CBFA2T3: variants seen among roughly 807,000 people sequenced by gnomAD.
CBFA2T3 encodes the protein transcriptional corepressor CBFA2T3.
Under a neutral mutation model 58.6 loss-of-function variants are expected in CBFA2T3, and 31 were observed. That is an observed-to-expected ratio of 0.53 (90% CI 0.40 to 0.71). The LOEUF is 0.71. CBFA2T3 is among the 30% of genes least tolerant of loss of function. The pLI is 0.00. For missense variants in CBFA2T3, 1,076 were observed against 963.1 expected, an observed-to-expected ratio of 1.12 and a Z score of -1.55; for synonymous variants, 531 against 421.9, an observed-to-expected ratio of 1.26 and a Z score of -3.17.
chr16:88,887,994 G>A lies in CBFA2T3; in HGVS notation c.712-1852C>T, dbSNP rs1431237030. ...CCGTGGGCTCTGCCATAGAGGGGCT[G>A]TGGCCTTGGGCTGGTCATTTAACCT... On this transcript the variant is annotated intron_variant, in intron 5 of 11. Coordinates refer to ENST00000268679, the MANE Select transcript of CBFA2T3 (RefSeq NM_005187.6). 3.9e-5 allele frequency among the ~76,000 whole-genome samples: 6 copies of A among 152,316 alleles called. No individual in the cohort carries two copies. The East Asian group carries it at 1.2e-3, about 29-fold the overall frequency.
At chr16:88,916,324 G>C (rs1012263803) in intron 1 of CBFA2T3, among the ~76,000 whole-genome samples, 2 of 149,854 alleles carry the variant, frequency 1.3e-5, no homozygotes, top group South Asian at 4.2e-4. Context: ...GTATTCATGC[G>C]TGTATTCATG....
At chr16:88,905,452 C>T (rs1970272417) in intron 1 of CBFA2T3, among the ~76,000 whole-genome samples, 1 of 151,978 alleles carries the variant, frequency 6.6e-6, no homozygotes, top group African/African-American at 2.4e-5. Flanking sequence ...GATGTCACCC[C>T]ACACTGGGCG....
chr16:88,891,860 CG>C, intron 5 of CBFA2T3, 21 bp downstream of exon 5: 1 of 1,562,480 alleles, frequency 6.4e-7, no homozygotes, highest in African/African-American at 1.4e-5. Context: ...TCCCGCAGCA[CG>C]GGGGACGGGT....
At position 88,958,586 on chromosome 16, in the gene CBFA2T3, A is replaced by G. The variant is rs896367695; in HGVS notation, c.151+18071T>C. ...GAGAGGTGTCCTTCCTATTTCTCAG[A>G]TGGGGAGACTGAGGCCTGGGTGGGG... On this transcript the variant is annotated intron_variant, in intron 1 of 11. Transcript: ENST00000268679. This position sits in a 1 kb window ranked among gnomAD's most constrained non-coding sequence, Gnocchi z 4.0. Among the ~76,000 whole-genome samples, 14 of 152,124 alleles carry G rather than the reference A, an allele frequency of 9.2e-5. No homozygotes were observed. Among genetic ancestry groups the G allele is most frequent in the African/African-American group, 2.7e-4 (11 of 41,500 alleles).
intron 1 of CBFA2T3, among the ~76,000 whole-genome samples, chr16:88,934,203 C>A (rs12932149): frequency 7.6e-6 from 1 of 131,284 alleles, no homozygotes; most frequent in African/African-American, 3.8e-5. Context: ...CCTCGGCACA[C>A]GGAGGCACCG....
intron 1 of CBFA2T3, among the ~76,000 whole-genome samples, chr16:88,928,097 C>T (rs1479043800): frequency 1.3e-5 from 2 of 152,220 alleles, no homozygotes; most frequent in African/African-American, 4.8e-5. Flanking sequence ...TGGCCGAGAC[C>T]CTGGCCACCA....
At position 88,916,969 on chromosome 16, in the gene CBFA2T3, G is replaced by A. The variant is rs74035896; in HGVS notation, c.152-15313C>T. On this transcript the variant is annotated intron_variant, in intron 1 of 11. Coordinates refer to ENST00000268679, the MANE Select transcript of CBFA2T3 (RefSeq NM_005187.6). ...CTTTTAGAAAAAGAGGGCTGCTTAG[G>A]AGGCTGAGGCAGGAGATTCGCTTGA... Among the ~76,000 whole-genome samples the A allele has an allele frequency of 2.2e-3, 341 of 151,918 alleles. 4 individuals are homozygous for A. The highest frequency in any genetic ancestry group is 8.1e-3 in the African/African-American group (333 of 41,360).
At chr16:88,935,181 T>G (rs913530234) in intron 1 of CBFA2T3, among the ~76,000 whole-genome samples, 1 of 152,166 alleles carries the variant, frequency 6.6e-6, no homozygotes, top group African/African-American at 2.4e-5. Context: ...GACCCAACGC[T>G]GCCCCCGGTC....
chr16:88,915,950 G>C (rs1482434664), intron 1 of CBFA2T3, among the ~76,000 whole-genome samples: 28 of 152,098 alleles, frequency 1.8e-4, no homozygotes, highest in Non-Finnish European at 2.9e-5. Flanking sequence ...GTGCATGCAT[G>C]AGTGTACGTG....
chr16:88,886,542 C>G (rs1321199649), intron 5 of CBFA2T3: 6 of 167,526 alleles, frequency 3.6e-5, no homozygotes, highest in African/African-American at 1.4e-4. Flanking sequence ...CCAGCAGGCA[C>G]CACATGACCC....
At chr16:88,907,055 C>T (rs1037047382) in intron 1 of CBFA2T3, among the ~76,000 whole-genome samples, 2 of 152,062 alleles carry the variant, frequency 1.3e-5, no homozygotes, top group Non-Finnish European at 2.9e-5. Flanking sequence ...TTTCAAACCC[C>T]AAGGGGTTTT....
Position 88,882,658 on chromosome 16 carries a change from CTG to C in CBFA2T3, c.1203+16_1203+17del, listed in dbSNP as rs1491022385. The C allele has an allele frequency of 3.4e-5, 52 of 1,530,046 alleles. No homozygotes were observed. Among genetic ancestry groups the C allele is most frequent in the Non-Finnish European group, 4.5e-5 (50 of 1,122,324 alleles). 94.8% of individuals were successfully genotyped at this position (1,530,046 alleles called of 1,614,324 possible). A position where few individuals can be genotyped will look rare whatever the true frequency, so the allele number is the denominator to read the frequency against. ...CCTGGGCATGGCTGTGTGGGCGTGG[CTG>C]TGTGTGGACACTCACGTTGTTGAGG... On this transcript the variant is annotated intron_variant, in intron 8 of 11. Coordinates refer to ENST00000268679, the MANE Select transcript of CBFA2T3 (RefSeq NM_005187.6).
Position 88,953,695 on chromosome 16 carries a change from G to C in CBFA2T3, c.151+22962C>G, listed in dbSNP as rs111256317. On this transcript the variant is annotated intron_variant, in intron 1 of 11. Transcript: ENST00000268679. This position sits in a 1 kb window ranked among gnomAD's most constrained non-coding sequence, Gnocchi z 4.9. Reference sequence around the variant, plus strand: ...TGCCAAAGCGCCTTTTGCTGTATTCGGCACCCTGAGACCCTTATGTCTGCC... The same window carrying C: ...TGCCAAAGCGCCTTTTGCTGTATTCCGCACCCTGAGACCCTTATGTCTGCC... Among the ~76,000 whole-genome samples, 845 of 152,212 alleles carry C rather than the reference G, an allele frequency of 5.6e-3. 9 individuals are homozygous for C. Among genetic ancestry groups the C allele is most frequent in the African/African-American group, 0.017 (699 of 41,528 alleles).
At chr16:88,892,168 G>C (rs986090987) in intron 4 of CBFA2T3, 76 bp downstream of exon 4, 28 of 1,533,154 alleles carry the variant, frequency 1.8e-5, no homozygotes, top group Non-Finnish European at 2.4e-5. Context: ...CATGTAAGGA[G>C]TGGCCGTGGC....
At chr16:88,891,215 C>T (rs1190647218) in intron 5 of CBFA2T3, among the ~76,000 whole-genome samples, 2 of 152,020 alleles carry the variant, frequency 1.3e-5, no homozygotes, top group Admixed American at 6.5e-5. Context: ...TATTCTGTTC[C>T]AGTCACACTG....
intron 4 of CBFA2T3, 89 bp downstream of exon 4, chr16:88,892,155 G>A (rs1322199517): frequency 8.1e-6 from 12 of 1,487,382 alleles, no homozygotes; most frequent in Non-Finnish European, 1.1e-5. Context: ...TCAGCGTGGA[G>A]CCCATGTAAG....
Position 88,885,215 on chromosome 16 carries a change from T to C in CBFA2T3, c.948A>G (p.Lys316=). 7 of 1,593,674 alleles carry C rather than the reference T, an allele frequency of 4.4e-6. No individual in the cohort carries two copies. The highest frequency in any genetic ancestry group is 1.7e-4 in the Middle Eastern group (1 of 5,980). ...GGGCAGGGTTCAGGGTGCATGGCCGTTTGCTGAGGTGCTCGGGGTGCAGCG... is the reference window on the plus strand; with the variant it reads ...GGGCAGGGTTCAGGGTGCATGGCCGCTTGCTGAGGTGCTCGGGGTGCAGCG... ...RDPLHPEHLS[K]RPCTLNPAQR... is the part of the protein sequence containing the mutation. The change falls in exon 7 of 12, where the codon AAA becomes AAG. Residue 316 remains lysine (K), a synonymous_variant. Transcript: ENST00000268679. This position sits in a 1 kb window ranked among gnomAD's most constrained non-coding sequence, Gnocchi z 5.3.
chr16:88,941,006 G>C, intron 1 of CBFA2T3: 1 of 977,550 alleles, frequency 1.0e-6, no homozygotes, highest in African/African-American at 1.8e-5. Context: ...GCGCGGGGCG[G>C]ACACGGCACT....
intron 5 of CBFA2T3, chr16:88,886,459 C>T (rs1017579460): frequency 2.5e-5 from 7 of 279,862 alleles, no homozygotes; most frequent in African/African-American, 1.1e-4. Flanking sequence ...CCTCCCATGG[C>T]GTGGTCTGGA....
Sources: allele counts gnomAD v4.1 joint callset (sites outside exome capture counted in the v4.1 genomes callset), GRCh38; gene constraint gnomAD v4.1.1; non-coding constraint Gnocchi (gnomAD v3.1); transcripts MANE v1.5; gene names NCBI Gene and HGNC (gene_info 2026-07-23, HGNC 2026-07-21).